Variants in MMRN1 observed in about 807,000 individuals in gnomAD.
The protein encoded by MMRN1 is multimerin 1.
In MMRN1, 94 loss-of-function variants were observed where a neutral mutation model predicts 100.7. The observed-to-expected ratio is 0.93, with a 90% CI of 0.79 to 1.11. The LOEUF is 1.11. Ranked by LOEUF, MMRN1 falls within the 50% of genes least tolerant of loss-of-function variation. The pLI is 0.00. For missense variants in MMRN1, 1,606 were observed against 1,439.1 expected (o/e 1.12, Z -1.88); for synonymous variants, 575 against 505.0 (o/e 1.14, Z -1.86).
intron 6 of MMRN1, among the ~76,000 whole-genome samples, chr4:89,944,635 G>A (rs1722932379): frequency 6.6e-6 from 1 of 152,056 alleles, no homozygotes; most frequent in Admixed American, 6.6e-5. Flanking sequence ...TGTTAAGACG[G>A]CTATAATCAT....
intron 1 of MMRN1, among the ~76,000 whole-genome samples, chr4:89,897,832 AGT>A (rs1421708326): frequency 6.6e-6 from 1 of 152,198 alleles, no homozygotes; most frequent in African/African-American, 2.4e-5. Context: ...CCCTATAAAA[AGT>A]AAACACTAAC....
intron 4 of MMRN1, among the ~76,000 whole-genome samples, chr4:89,926,315 G>C (rs544720997): frequency 6.6e-6 from 1 of 152,148 alleles, no homozygotes; most frequent in South Asian, 2.1e-4. Flanking sequence ...TTGGATATAA[G>C]CCATTTTAAC....
chr4:89,942,316 C>T (rs1293934062), intron 6 of MMRN1, among the ~76,000 whole-genome samples: 1 of 152,050 alleles, frequency 6.6e-6, no homozygotes, highest in Non-Finnish European at 1.5e-5. Context: ...TTGTACTGGT[C>T]ATTAACTATA....
intron 3 of MMRN1, among the ~76,000 whole-genome samples, chr4:89,917,264 T>C (rs1721950779): frequency 1.3e-5 from 2 of 151,874 alleles, no homozygotes; most frequent in Non-Finnish European, 2.9e-5. Context: ...ACAATTCCAT[T>C]ATAAAATGCA....
intron 1 of MMRN1, among the ~76,000 whole-genome samples, chr4:89,907,231 C>T (rs1721595214): frequency 6.6e-6 from 1 of 151,096 alleles, no homozygotes; most frequent in Admixed American, 6.6e-5. Flanking sequence ...ATTATTTTTG[C>T]CTCAATTGTC....
At chr4:89,941,866 T>A (rs1444243013) in intron 6 of MMRN1, among the ~76,000 whole-genome samples, 1 of 152,202 alleles carries the variant, frequency 6.6e-6, no homozygotes, top group East Asian at 1.9e-4. Context: ...ATATCAGTGT[T>A]GAAGGAAATA....
At chr4:89,937,866 G>A (rs80059770) in intron 6 of MMRN1, among the ~76,000 whole-genome samples, 4,435 of 152,106 alleles carry the variant, frequency 0.029, 201 homozygotes, top group African/African-American at 0.098. Flanking sequence ...GGAAGAAAGA[G>A]GAATTGTGTG....
At chr4:89,910,730 G>A (rs1331946887) in intron 2 of MMRN1, among the ~76,000 whole-genome samples, 2 of 151,312 alleles carry the variant, frequency 1.3e-5, no homozygotes, top group Non-Finnish European at 3.0e-5. Context: ...AATAAATGAG[G>A]GTAAATGATT....
chr4:89,946,436 T>C (rs1722988303), intron 6 of MMRN1, among the ~76,000 whole-genome samples: 1 of 152,134 alleles, frequency 6.6e-6, no homozygotes, highest in Non-Finnish European at 1.5e-5. Context: ...AGCAATAAAA[T>C]ATAAAGTAAA....
rs1397951852 is a variant in MMRN1, at chr4:89,954,541, A to G, written c.*1123A>G. On this transcript the variant is annotated 3_prime_UTR_variant, in exon 8 of 8. Transcript: ENST00000264790. ...CTGTGGTGAACATGCTTAAAAATAC[A>G]TTCCTTGGATATCTGACAACGTGTT... 6.6e-6 allele frequency: 1 copy of G among 152,188 alleles called. No individual in the cohort carries two copies. The highest frequency in any genetic ancestry group is 6.5e-5 in the Admixed American group (1 of 15,272). The allele number at this position is 152,188 out of a possible 1,614,324, so 9.4% of individuals were successfully genotyped here.
intron 1 of MMRN1, among the ~76,000 whole-genome samples, chr4:89,896,169 C>T (rs1303832340): frequency 1.3e-5 from 2 of 151,942 alleles, no homozygotes; most frequent in Non-Finnish European, 2.9e-5. Context: ...CAAGGAATGT[C>T]AATAAAAATA....
intron 3 of MMRN1, among the ~76,000 whole-genome samples, chr4:89,921,810 G>A (rs539590496): frequency 2.6e-5 from 4 of 152,050 alleles, no homozygotes; most frequent in Non-Finnish European, 5.9e-5. Context: ...TAACAATATA[G>A]ACTCACCCAA....
At chr4:89,910,833 A>G (rs1182342935) in intron 2 of MMRN1, among the ~76,000 whole-genome samples, 3 of 151,522 alleles carry the variant, frequency 2.0e-5, no homozygotes, top group Non-Finnish European at 4.4e-5. Flanking sequence ...GTTATAGCAG[A>G]AACTGAAACG....
upstream of MMRN1, among the ~76,000 whole-genome samples, chr4:89,890,432 T>A (rs1180263860): frequency 6.6e-6 from 1 of 152,086 alleles, no homozygotes; most frequent in Admixed American, 6.6e-5. Context: ...AAAAGTAAAC[T>A]TGGGAACTCA....
intron 3 of MMRN1, among the ~76,000 whole-genome samples, chr4:89,915,258 C>T (rs1394679844): frequency 2.6e-5 from 4 of 151,524 alleles, no homozygotes; most frequent in Non-Finnish European, 5.9e-5. Context: ...TGAGAAAGAA[C>T]ATTACCTCCT....
At position 89,935,376 on chromosome 4, in the gene MMRN1, G is replaced by T. The variant is rs1722581980; in HGVS notation, c.1696G>T (p.Asp566Tyr). 2 of 1,613,144 alleles carry T rather than the reference G, an allele frequency of 1.2e-6. No homozygotes were observed. Among genetic ancestry groups the T allele is most frequent in the South Asian group, 2.2e-5 (2 of 90,998 alleles). Reference sequence around the variant, plus strand: ...TTTGATGATGCTGCAAATGTTTGAAGATTTGCACATTCAAGAAAGCAAGAT... The same window carrying T: ...TTTGATGATGCTGCAAATGTTTGAATATTTGCACATTCAAGAAAGCAAGAT... ...QSLMMLQMFE[D>Y]LHIQESKINN... Residue 566 changes from aspartate (D) to tyrosine (Y), a missense_variant, in exon 6 of 8, where the codon GAT becomes TAT. Asp to Tyr is a radical substitution (Grantham distance 160). Transcript: ENST00000264790.
At chr4:89,952,019 ACT>A (rs1214487681) in intron 7 of MMRN1, among the ~76,000 whole-genome samples, 2 of 152,014 alleles carry the variant, frequency 1.3e-5, no homozygotes, top group Non-Finnish European at 2.9e-5. Flanking sequence ...CCCCTCACAA[ACT>A]TTTTTTCTCT....
intron 4 of MMRN1, among the ~76,000 whole-genome samples, chr4:89,925,560 G>T (rs1185931990): frequency 1.3e-5 from 2 of 151,088 alleles, no homozygotes; most frequent in African/African-American, 4.9e-5. Flanking sequence ...GGCTGGGTGT[G>T]GTGGCTCACG....
intron 1 of MMRN1, among the ~76,000 whole-genome samples, chr4:89,886,334 C>T (rs953871350): frequency 2.0e-5 from 3 of 152,046 alleles, no homozygotes; most frequent in Admixed American, 1.3e-4. Flanking sequence ...TATATTGTTT[C>T]ATTTAAAATA....
Sources: gnomAD v4.1 joint callset for allele counts (sites outside exome capture counted in the v4.1 genomes callset) on GRCh38, gnomAD v4.1.1 for gene constraint, MANE v1.5 for transcripts, NCBI Gene and HGNC (gene_info 2026-07-23, HGNC 2026-07-21) for gene names.